NRCAM: variants seen among roughly 807,000 people sequenced by gnomAD.
The protein encoded by NRCAM is neuronal cell adhesion molecule.
In NRCAM, 83 loss-of-function variants were observed where a neutral mutation model predicts 156.5. The observed-to-expected ratio is 0.53, with a 90% confidence interval of 0.44 to 0.64. NRCAM has a LOEUF of 0.64. Among genes scored for constraint, NRCAM ranks in the 30% least tolerant of loss-of-function variants. The probability of loss-of-function intolerance (pLI) is 0.00; values close to 1 mark genes in which losing one functional copy is unlikely to be tolerated. For synonymous variants in NRCAM, 538 were observed against 563.9 expected (o/e 0.95, Z 0.65); for missense variants, 1,417 against 1,597.3 (o/e 0.89, Z 1.92).
chr7:108,222,069 T>C (rs930334360), intron 11 of NRCAM, among the ~76,000 whole-genome samples: 1 of 152,180 alleles, frequency 6.6e-6, no homozygotes, highest in African/African-American at 2.4e-5. Flanking sequence ...AAACATGCTG[T>C]AAGTATAAAA....
At chr7:108,394,212 A>G (rs1435545499) in intron 2 of NRCAM, among the ~76,000 whole-genome samples, 1 of 152,222 alleles carries the variant, frequency 6.6e-6, no homozygotes, top group East Asian at 1.9e-4. Context: ...GAAGGACCTA[A>G]GTGAGCCATC....
At chr7:108,357,388 C>T (rs2099512368) in intron 2 of NRCAM, among the ~76,000 whole-genome samples, 8 of 148,422 alleles carry the variant, frequency 5.4e-5, no homozygotes, top group Admixed American at 4.7e-4. Context: ...GGCTGGGGTG[C>T]AATGGCACGA....
chr7:108,203,068 C>A (rs919696008), intron 13 of NRCAM, among the ~76,000 whole-genome samples: 1 of 152,138 alleles, frequency 6.6e-6, no homozygotes, highest in African/African-American at 2.4e-5. Context: ...CAAAAACACC[C>A]CCCTCAGTGT....
At chr7:108,382,029 G>T (rs1241138086) in intron 2 of NRCAM, among the ~76,000 whole-genome samples, 1 of 152,144 alleles carries the variant, frequency 6.6e-6, no homozygotes, top group Non-Finnish European at 1.5e-5. Context: ...TTAGTTGCCT[G>T]ACTAGCAAGT....
intron 2 of NRCAM, among the ~76,000 whole-genome samples, chr7:108,368,206 G>A (rs1174896079): frequency 2.7e-5 from 4 of 146,518 alleles, no homozygotes; most frequent in Middle Eastern, 7.0e-3. Context: ...CCTCAGCCAC[G>A]TGGAATCACA....
chr7:108,166,528 G>A (rs947995608), intron 30 of NRCAM, among the ~76,000 whole-genome samples: 4 of 152,004 alleles, frequency 2.6e-5, no homozygotes, highest in East Asian at 1.9e-4. Context: ...GATTACAGGC[G>A]TGAGCTACCG....
intron 2 of NRCAM, among the ~76,000 whole-genome samples, chr7:108,376,254 A>G (rs986719206): frequency 6.6e-6 from 1 of 152,218 alleles, no homozygotes. Flanking sequence ...CTAAGAGACT[A>G]AAATGGCTGG....
chr7:108,272,674 T>A (rs2097407481), intron 3 of NRCAM, among the ~76,000 whole-genome samples: 1 of 151,982 alleles, frequency 6.6e-6, no homozygotes, highest in Non-Finnish European at 1.5e-5. Flanking sequence ...CATATATATA[T>A]CACTTTGATT....
At chr7:108,193,462 G>A (rs2073313020) in intron 17 of NRCAM, among the ~76,000 whole-genome samples, 1 of 152,178 alleles carries the variant, frequency 6.6e-6, no homozygotes, top group African/African-American at 2.4e-5. Context: ...CAAATTGAGG[G>A]TCTCATCTGG....
chr7:108,160,619 A>T, intron 30 of NRCAM, 127 bp from the exon 31 acceptor site: 1 of 640,658 alleles, frequency 1.6e-6, no homozygotes, highest in Non-Finnish European at 2.5e-6. Context: ...GCCCCAAATT[A>T]GGATCTGTCA....
chr7:108,270,107 C>T (rs1031572776), intron 3 of NRCAM, among the ~76,000 whole-genome samples: 8 of 152,196 alleles, frequency 5.3e-5, no homozygotes, highest in Non-Finnish European at 1.0e-4. Context: ...TCATAAATCA[C>T]TCTTATTCCT....
intron 1 of NRCAM, among the ~76,000 whole-genome samples, chr7:108,448,458 T>C (rs1846873025): frequency 6.6e-6 from 1 of 152,242 alleles, no homozygotes; most frequent in African/African-American, 2.4e-5. Context: ...CAGTCAAAGA[T>C]GCGAAAGCAA....
chr7:108,293,491 C>T lies in NRCAM; in HGVS notation c.-107+19174G>A, dbSNP rs147904017. 2.9e-3 allele frequency among the ~76,000 whole-genome samples: 446 copies of T among 152,288 alleles called. 2 individuals carry two copies. The highest frequency in any genetic ancestry group is 9.7e-3 in the African/African-American group (405 of 41,558). On this transcript the variant is annotated intron_variant, in intron 3 of 32. Transcript: ENST00000379028. ...TTAAATCTGCTAAATTGACAAGCAA[C>T]GCTGATCTCACGTCTCCCCTAATTT...
intron 8 of NRCAM, among the ~76,000 whole-genome samples, chr7:108,227,530 C>G (rs1245747526): frequency 6.6e-6 from 1 of 152,164 alleles, no homozygotes; most frequent in East Asian, 1.9e-4. Flanking sequence ...CCACAGTCAC[C>G]CTACTGTGCA....
chr7:108,192,971 T>A (rs1275334219), intron 17 of NRCAM, among the ~76,000 whole-genome samples: 1 of 152,196 alleles, frequency 6.6e-6, no homozygotes, highest in Non-Finnish European at 1.5e-5. Flanking sequence ...GTCTTCTCAG[T>A]TAATTTCCAA....
chr7:108,153,577 C>T (rs1242843108), intron 32 of NRCAM, among the ~76,000 whole-genome samples: 1 of 151,886 alleles, frequency 6.6e-6, no homozygotes. Context: ...CTGCTATCAC[C>T]ACTTCTAATC....
chr7:108,376,403 G>A (rs565927856), intron 2 of NRCAM, among the ~76,000 whole-genome samples: 1 of 152,240 alleles, frequency 6.6e-6, no homozygotes, highest in East Asian at 1.9e-4. Flanking sequence ...CATCTTGTAA[G>A]TTCTATGCTC....
chr7:108,266,461 C>T (rs1002303335), intron 3 of NRCAM, among the ~76,000 whole-genome samples: 1 of 152,206 alleles, frequency 6.6e-6, no homozygotes, highest in Non-Finnish European at 1.5e-5. Context: ...TCTGCTCTGT[C>T]TCCAAAGGTA....
rs756959321 is a variant in NRCAM, at chr7:108,232,287, T to C, written c.427+39A>G. On this transcript the variant is annotated intron_variant, in intron 7 of 32. Transcript: ENST00000379028. The stretch of plus-strand genomic sequence containing the variant: ...CAGAAGCTGAGTCTTGGAGCAATAC[T>C]TTAAAAAGGGTCATGTTGGTTGACA... 4.7e-6 allele frequency: 7 copies of C among 1,478,608 alleles called. No homozygotes were observed. In the East Asian group the frequency reaches 1.6e-4, roughly 34 times the overall value. The allele number at this position is 1,478,608 out of a possible 1,614,324, so 91.6% of individuals were successfully genotyped here.
Sources: gnomAD v4.1 joint callset for allele counts (sites outside exome capture counted in the v4.1 genomes callset) on GRCh38, gnomAD v4.1.1 for gene constraint, MANE v1.5 for transcripts, NCBI Gene and HGNC (gene_info 2026-07-23, HGNC 2026-07-21) for gene names.